Variants in SLC22A17 observed in about 807,000 individuals in gnomAD.
SLC22A17 encodes the protein solute carrier family 22 member 17.
A neutral mutation model predicts 53.6 loss-of-function variants in SLC22A17; 38 were observed. The observed-to-expected ratio is 0.71, with a 90% CI of 0.55 to 0.93. The LOEUF is 0.93. Ranked by LOEUF, SLC22A17 falls within the 40% of genes least tolerant of loss-of-function variation. The probability of loss-of-function intolerance (pLI) is 0.00; values close to 1 mark genes in which losing one functional copy is unlikely to be tolerated. For synonymous variants in SLC22A17, 379 were observed against 353.0 expected (o/e 1.07, Z -0.82); for missense variants, 704 against 791.0 (o/e 0.89, Z 1.32).
Position 23,346,783 on chromosome 14 carries a change from C to T in SLC22A17, c.1815G>A (p.Pro605=), listed in dbSNP as rs768644459. The change falls in exon 10 of 10, where the codon CCG becomes CCA. Residue 605 remains proline, a synonymous_variant. Coordinates refer to ENST00000397267, the Ensembl canonical transcript of SLC22A17. Reference sequence around the variant, plus strand: ...CGGGCAGGAGCTTGCGCTTGGTCTCCGGCAGCAGCATAATGCTGAGAATGC... The same window carrying T: ...CGGGCAGGAGCTTGCGCTTGGTCTCTGGCAGCAGCATAATGCTGAGAATGC... 5.4e-5 allele frequency: 83 copies of T among 1,542,952 alleles called. No homozygotes were observed. In the South Asian group the frequency reaches 6.3e-4, roughly 12 times the overall value.
At chr14:23,349,064 C>A in intron 4 of SLC22A17, 1 of 666,140 alleles carries the variant, frequency 1.5e-6, no homozygotes, top group Non-Finnish European at 2.6e-6. Flanking sequence ...GCAGTAAGTC[C>A]AGGACAAAGA....
At chr14:23,351,684 C>T (rs1244617656) in intron 3 of SLC22A17, 68 bp downstream of exon 3, 8 of 1,413,306 alleles carry the variant, frequency 5.7e-6, no homozygotes, top group African/African-American at 1.4e-5. Flanking sequence ...TGTAAACGCC[C>T]GCTGCTTGGG....
Position 23,347,669 on chromosome 14 carries a change from T to A in SLC22A17, c.1340A>T (p.Asp447Val). The A allele has an allele frequency of 1.2e-6, 2 of 1,613,790 alleles. No homozygotes were observed. The highest frequency in any genetic ancestry group is 1.7e-6 in the Non-Finnish European group (2 of 1,179,952). ...GGCCAGCAGAGAGCACAGGTAGAAG[T>A]CCGATGGGCTCCCTCCTCCTCCCAC... Residue 447 changes from aspartate (D) to valine (V), a missense_variant, in exon 8 of 10, where the codon GAC becomes GTC. Coordinates refer to ENST00000397267, the Ensembl canonical transcript of SLC22A17. This position sits in a 1 kb window ranked among gnomAD's most constrained non-coding sequence, Gnocchi z 5.1.
At chr14:23,349,397 G>A (rs1889478364) in exon 4 of SLC22A17, 1 of 1,613,792 alleles carries the variant, frequency 6.2e-7, no homozygotes, top group Non-Finnish European at 8.5e-7. Flanking sequence ...CAGCCCCAAG[G>A]TCAGCAGCAC....
chr14:23,346,874 T>TGGGCC lies in SLC22A17; in HGVS notation c.1719_1723dup (p.Gln575ArgfsTer102). ...GGCTCCATGGCCCATGTGGAGGCGC[T>TGGGCC]GGGCCGGGCCGCTCAGTCCTCCAAG... On this transcript the variant is annotated frameshift_variant, in exon 10 of 10. Transcript: ENST00000397267. LOFTEE classifies it high-confidence loss of function. 6.5e-7 allele frequency: 1 copy of TGGGCC among 1,538,572 alleles called. No homozygotes were observed. Among genetic ancestry groups the TGGGCC allele is most frequent in the Non-Finnish European group, 8.7e-7 (1 of 1,149,162 alleles).
At position 23,347,533 on chromosome 14, in the gene SLC22A17, G is replaced by C; in HGVS notation, c.1476C>G (p.Val492=). 1 of 1,614,096 alleles carries C rather than the reference G, an allele frequency of 6.2e-7. No individual in the cohort carries two copies. Among genetic ancestry groups the C allele is most frequent in the Non-Finnish European group, 8.5e-7 (1 of 1,179,980 alleles). Residue 492 remains valine (V), a synonymous_variant, in exon 8 of 10, where the codon GTC becomes GTG. Transcript: ENST00000397267. The surrounding 1 kb of genome is among the most constrained non-coding windows in gnomAD (Gnocchi z 5.1). ...GCTCACAATCCCACAGGCCCAGCAGGACCAGGGAAGCAATGCCGGTAAGGG... is the reference window on the plus strand; with the variant it reads ...GCTCACAATCCCACAGGCCCAGCAGCACCAGGGAAGCAATGCCGGTAAGGG...
chr14:23,349,203 G>A (rs1889455971), intron 4 of SLC22A17, 69 bp downstream of exon 4: 3 of 1,594,178 alleles, frequency 1.9e-6, no homozygotes, highest in Non-Finnish European at 2.6e-6. Flanking sequence ...GGGCAGTGAG[G>A]ATGGCCTGGC....
Position 23,348,906 on chromosome 14 carries a change from G to C in SLC22A17, c.860-235C>G. ...GCTCTAGGGCCAGAGTCCTGGGTGA[G>C]TGTTCAACATTTCCAATTTATAGGC... On this transcript the variant is annotated intron_variant, in intron 4 of 9. Transcript: ENST00000397267. The surrounding 1 kb of genome is among the most constrained non-coding windows in gnomAD (Gnocchi z 4.5). 1 of 600,546 alleles carries C rather than the reference G, an allele frequency of 1.7e-6. No homozygotes were observed. Among genetic ancestry groups the C allele is most frequent in the Non-Finnish European group, 2.9e-6 (1 of 340,850 alleles). The allele number at this position is 600,546 out of a possible 1,614,324, so 37.2% of individuals were successfully genotyped here.
chr14:23,346,747 C>A, exon 10 of SLC22A17: 1 of 1,545,398 alleles, frequency 6.5e-7, no homozygotes, highest in Non-Finnish European at 8.7e-7. Flanking sequence ...GCTCCCCGTC[C>A]CGGAGCACCT....
At chr14:23,346,590 G>A in exon 10 of SLC22A17, 4 of 1,430,354 alleles carry the variant, frequency 2.8e-6, no homozygotes, top group Non-Finnish European at 3.7e-6. Context: ...CAGTCTTCCC[G>A]ATCTTCTTGC....
At position 23,348,611 on chromosome 14, in the gene SLC22A17, CCCA is replaced by C. The variant is rs1305971035; in HGVS notation, c.917_919del (p.Val306del). The C allele has an allele frequency of 6.2e-7, 1 of 1,613,926 alleles. No individual in the cohort carries two copies. The highest frequency in any genetic ancestry group is 8.5e-7 in the Non-Finnish European group (1 of 1,179,990). On this transcript the variant is annotated inframe_deletion, in exon 5 of 10. Transcript: ENST00000397267. This position sits in a 1 kb window ranked among gnomAD's most constrained non-coding sequence, Gnocchi z 4.5. ...CAGGAACAGGAAGTGCCCTCCCACC[CCCA>C]CCAACTCCCCTGCCAGGGCCACCCG...
In SLC22A17 at chr14:23,347,059, G is replaced by T. The variant is rs549813958; in HGVS notation, c.1661+42C>A. ...GGGGTGGGGTGGGGGAGCGGGAGGC[G>T]AGGGGGCCCGGCTCTGCCCCTGGGG... On this transcript the variant is annotated intron_variant, in intron 9 of 9. Transcript: ENST00000397267. This position sits in a 1 kb window ranked among gnomAD's most constrained non-coding sequence, Gnocchi z 5.1. 6.4e-6 allele frequency: 10 copies of T among 1,567,002 alleles called. No individual in the cohort carries two copies. Among genetic ancestry groups the T allele is most frequent in the Non-Finnish European group, 8.7e-6 (10 of 1,155,622 alleles).
Position 23,348,824 on chromosome 14 carries a change from G to A in SLC22A17, c.860-153C>T. 3 of 795,876 alleles carry A rather than the reference G, an allele frequency of 3.8e-6. No individual in the cohort carries two copies. The highest frequency in any genetic ancestry group is 5.8e-6 in the Non-Finnish European group (3 of 516,060). 49.3% of individuals were successfully genotyped at this position (795,876 alleles called of 1,614,324 possible). A position where few individuals can be genotyped will look rare whatever the true frequency, so the allele number is the denominator to read the frequency against. Reference sequence around the variant, plus strand: ...TTGCCTCCCTTGCTAACCTCTGGGTGGCAAGGACTGGGGAGACTGTTCAGC... The same window carrying A: ...TTGCCTCCCTTGCTAACCTCTGGGTAGCAAGGACTGGGGAGACTGTTCAGC... On this transcript the variant is annotated intron_variant, in intron 4 of 9. Coordinates refer to ENST00000397267, the Ensembl canonical transcript of SLC22A17. The surrounding 1 kb of genome is among the most constrained non-coding windows in gnomAD (Gnocchi z 4.5).
rs73604504 is a variant in SLC22A17, at chr14:23,347,368, C to T, written c.1549+92G>A. The T allele has an allele frequency of 0.076, 116,973 of 1,529,148 alleles. 7,898 individuals carry two copies. The highest frequency in any genetic ancestry group is 0.33 in the African/African-American group (24,337 of 73,018). 94.7% of individuals were successfully genotyped at this position (1,529,148 alleles called of 1,614,324 possible). On this transcript the variant is annotated intron_variant, in intron 8 of 9. Transcript: ENST00000397267. This position sits in a 1 kb window ranked among gnomAD's most constrained non-coding sequence, Gnocchi z 5.1. ...TGGGAGAGCAGATGGGGCTGTGGGG[C>T]CAGGTGGAGGCTCGTGGAAGAGCTG...
chr14:23,347,733 T>A lies in SLC22A17; in HGVS notation c.1278-2A>T, dbSNP rs1889317178. On this transcript the variant is annotated splice_acceptor_variant, in intron 7 of 9. Transcript: ENST00000397267. LOFTEE classifies it high-confidence loss of function. This position sits in a 1 kb window ranked among gnomAD's most constrained non-coding sequence, Gnocchi z 5.1. ...TGGCGAATGGCATGGGCAATGAAGC[T>A]GTGAGAAGGGGTGGGGAAGCAACGA... The A allele has an allele frequency of 6.2e-7, 1 of 1,613,134 alleles. No homozygotes were observed. The highest frequency in any genetic ancestry group is 8.5e-7 in the Non-Finnish European group (1 of 1,179,470).
Position 23,347,228 on chromosome 14 carries a change from G to A in SLC22A17, c.1550-16C>T, listed in dbSNP as rs1347559065. On this transcript the variant is annotated splice_polypyrimidine_tract_variant and intron_variant, in intron 8 of 9. Coordinates refer to ENST00000397267, the Ensembl canonical transcript of SLC22A17. This position sits in a 1 kb window ranked among gnomAD's most constrained non-coding sequence, Gnocchi z 5.1. ...TCGTTCAGATCTGCAGAAGCAAGAGGGATGATATGAATGCAGGTGGGGAGG... is the reference window on the plus strand; with the variant it reads ...TCGTTCAGATCTGCAGAAGCAAGAGAGATGATATGAATGCAGGTGGGGAGG... 2 of 1,604,956 alleles carry A rather than the reference G, an allele frequency of 1.2e-6. No homozygotes were observed. The highest frequency in any genetic ancestry group is 1.3e-5 in the African/African-American group (1 of 74,924).
chr14:23,352,005 G>A lies in SLC22A17; in HGVS notation c.543C>T (p.Cys181=). 2.5e-6 allele frequency: 4 copies of A among 1,612,380 alleles called. No homozygotes were observed. Among genetic ancestry groups the A allele is most frequent in the Non-Finnish European group, 3.4e-6 (4 of 1,179,212 alleles). The change falls in exon 2 of 10, where the codon TGC becomes TGT. Residue 181 remains cysteine (C), a synonymous_variant. Transcript: ENST00000397267. The surrounding 1 kb of genome is among the most constrained non-coding windows in gnomAD (Gnocchi z 7.2). ...GGCCATTATAGTCCCAATCCTTGAG[G>A]CAATGGTTGAAGTCCGGCGGGGCGA...
chr14:23,352,035 G>T lies in SLC22A17; in HGVS notation c.513C>A (p.Ser171Arg), dbSNP rs370223410. The T allele has an allele frequency of 9.9e-6, 16 of 1,608,358 alleles. No individual in the cohort carries two copies. Among genetic ancestry groups the T allele is most frequent in the African/African-American group, 1.3e-5 (1 of 74,904 alleles). ...GGTTGAAGTCCGGCGGGGCGAAGCC[G>T]CTGCACGAGGGGTCGGTACTGGTGG... Residue 171 changes from serine to arginine, a missense_variant, in exon 2 of 10, where the codon AGC becomes AGA. Physicochemically the swap from Ser to Arg is moderately radical, Grantham distance 110. This residue lies in a region of SLC22A17 where 435 missense variants were observed against 529.0 expected (regional missense o/e 0.82). Coordinates refer to ENST00000397267, the Ensembl canonical transcript of SLC22A17. This position sits in a 1 kb window ranked among gnomAD's most constrained non-coding sequence, Gnocchi z 7.2.
Position 23,348,142 on chromosome 14 carries a change from A to T in SLC22A17, c.1171+19T>A. On this transcript the variant is annotated intron_variant, in intron 6 of 9. Transcript: ENST00000397267. The surrounding 1 kb of genome is among the most constrained non-coding windows in gnomAD (Gnocchi z 4.5). ...TGTGTGCAAGTGAGGCAACACTCAC[A>T]GGGATCCCTGTCTCTTACCCTGCAG... is the stretch of plus-strand genomic sequence containing the variant. The T allele has an allele frequency of 6.2e-7, 1 of 1,613,644 alleles. No homozygotes were observed. The highest frequency in any genetic ancestry group is 8.5e-7 in the Non-Finnish European group (1 of 1,179,830).
Sources: allele counts gnomAD v4.1 joint callset, GRCh38; gene constraint gnomAD v4.1.1; regional missense constraint gnomAD v4.1.1; non-coding constraint Gnocchi (gnomAD v3.1); transcripts MANE v1.5; gene names NCBI Gene and HGNC (gene_info 2026-07-23, HGNC 2026-07-21).